The following TGFA variants were observed in gnomAD, a reference collection of about 807,000 sequenced individuals.
TGFA encodes the protein protransforming growth factor alpha.
In TGFA, 12 loss-of-function variants were observed where a neutral mutation model predicts 21.7. The observed-to-expected ratio is 0.55, with a 90% CI of 0.35 to 0.90. The LOEUF is 0.90. Among genes scored for constraint, TGFA ranks in the 40% least tolerant of loss-of-function variants. TGFA has a pLI of 0.01. For synonymous variants in TGFA, 79 were observed against 88.1 expected, an observed-to-expected ratio of 0.90 and a Z score of 0.58; for missense variants, 178 against 210.8, an observed-to-expected ratio of 0.84 and a Z score of 0.96.
At chr2:70,489,693 T>C (rs1184682701) in intron 2 of TGFA, among the ~76,000 whole-genome samples, 1 of 152,260 alleles carries the variant, frequency 6.6e-6, no homozygotes, top group Non-Finnish European at 1.5e-5. Flanking sequence ...TGGCATTTTA[T>C]ACTCACTGTG....
chr2:70,470,480 T>G (rs888650437), intron 2 of TGFA, among the ~76,000 whole-genome samples: 1 of 152,186 alleles, frequency 6.6e-6, no homozygotes, highest in African/African-American at 2.4e-5. Context: ...AGAGCAACGG[T>G]CAGAGAGCAA....
At chr2:70,493,233 A>C (rs1040531281) in intron 2 of TGFA, among the ~76,000 whole-genome samples, 1 of 152,228 alleles carries the variant, frequency 6.6e-6, no homozygotes, top group African/African-American at 2.4e-5. Context: ...AGCAGCACTG[A>C]CTGCGGCTTT....
intron 2 of TGFA, among the ~76,000 whole-genome samples, chr2:70,507,482 C>A (rs1553500327): frequency 6.6e-6 from 1 of 152,196 alleles, no homozygotes; most frequent in East Asian, 1.9e-4. Context: ...CATTCCTCAT[C>A]AACATGATTT....
At chr2:70,481,054 G>A (rs1459291362) in intron 2 of TGFA, among the ~76,000 whole-genome samples, 1 of 152,150 alleles carries the variant, frequency 6.6e-6, no homozygotes, top group Admixed American at 6.5e-5. Context: ...AAGCCATACT[G>A]GTTCAGAAGC....
At chr2:70,469,493 A>C (rs1670669138) in intron 2 of TGFA, among the ~76,000 whole-genome samples, 1 of 152,004 alleles carries the variant, frequency 6.6e-6, no homozygotes, top group South Asian at 2.1e-4. Context: ...ATTCCACTGC[A>C]CCCAGCTAAT....
At chr2:70,453,397 C>T in intron 4 of TGFA, 70 bp from the exon 5 acceptor site, 1 of 1,406,456 alleles carries the variant, frequency 7.1e-7, no homozygotes, top group Non-Finnish European at 9.9e-7. Context: ...CAGCATCTGC[C>T]CTAGGGGCCT....
intron 1 of TGFA, among the ~76,000 whole-genome samples, chr2:70,523,867 A>G (rs568006624): frequency 3.3e-5 from 5 of 152,214 alleles, no homozygotes; most frequent in Non-Finnish European, 7.3e-5. Context: ...CTGACACCAC[A>G]GAAGTAACCT....
intron 1 of TGFA, among the ~76,000 whole-genome samples, chr2:70,525,127 A>C (rs1672594921): frequency 6.6e-6 from 1 of 152,214 alleles, no homozygotes; most frequent in African/African-American, 2.4e-5. Context: ...GGGAGGAGGT[A>C]AAAACAAGCA....
At chr2:70,463,757 G>T (rs570483373) in intron 3 of TGFA, among the ~76,000 whole-genome samples, 1 of 152,210 alleles carries the variant, frequency 6.6e-6, no homozygotes, top group South Asian at 2.1e-4. Flanking sequence ...TGTTGTACAG[G>T]GAAGCTTTCT....
chr2:70,504,575 C>A (rs1559124320), intron 2 of TGFA, among the ~76,000 whole-genome samples: 1 of 149,984 alleles, frequency 6.7e-6, no homozygotes, highest in Non-Finnish European at 1.5e-5. Flanking sequence ...TACATACATG[C>A]ATATACTCAC....
At position 70,533,719 on chromosome 2, in the gene TGFA, G is replaced by A. The variant is rs76858040; in HGVS notation, c.41-18807C>T. Reference sequence around the variant, plus strand: ...AGTTAACAAGTAGTCAACTTTTGTCGAGGAGAAGGGGTGGGCCCTGCAGTA... The same window carrying A: ...AGTTAACAAGTAGTCAACTTTTGTCAAGGAGAAGGGGTGGGCCCTGCAGTA... On this transcript the variant is annotated intron_variant, in intron 1 of 5. Coordinates refer to ENST00000295400, the MANE Select transcript of TGFA (RefSeq NM_003236.4). Among the ~76,000 whole-genome samples the A allele has an allele frequency of 8.9e-3, 1,354 of 152,248 alleles. 24 individuals carry two copies. Among genetic ancestry groups the A allele is most frequent in the African/African-American group, 0.031 (1,269 of 41,556 alleles).
intron 2 of TGFA, among the ~76,000 whole-genome samples, chr2:70,505,288 G>A (rs1335437144): frequency 6.6e-6 from 1 of 152,160 alleles, no homozygotes; most frequent in Non-Finnish European, 1.5e-5. Flanking sequence ...AGGTTGGGAA[G>A]CACTGGTCAA....
At chr2:70,516,999 G>C (rs1382969924) in intron 1 of TGFA, among the ~76,000 whole-genome samples, 2 of 152,186 alleles carry the variant, frequency 1.3e-5, no homozygotes, top group Admixed American at 1.3e-4. Context: ...AGACAAGAAA[G>C]CAAACACTGT....
In TGFA at chr2:70,547,103, G is replaced by T. The variant is rs187839947; in HGVS notation, c.40+6625C>A. ...CAGAAGTTATGCCCACTTAAAATTTGTAGCTATTGCCACGCTGACTTTTAA... is the reference window on the plus strand; with the variant it reads ...CAGAAGTTATGCCCACTTAAAATTTTTAGCTATTGCCACGCTGACTTTTAA... On this transcript the variant is annotated intron_variant, in intron 1 of 5. Coordinates refer to ENST00000295400, the MANE Select transcript of TGFA (RefSeq NM_003236.4). Among the ~76,000 whole-genome samples, 567 of 152,242 alleles carry T rather than the reference G, an allele frequency of 3.7e-3. 3 individuals carry two copies. Among genetic ancestry groups the T allele is most frequent in the African/African-American group, 0.01 (417 of 41,524 alleles).
chr2:70,469,711 G>T (rs1416337311), intron 2 of TGFA, among the ~76,000 whole-genome samples: 1 of 152,190 alleles, frequency 6.6e-6, no homozygotes, highest in South Asian at 2.1e-4. Flanking sequence ...GGATAAATGG[G>T]CTCTTGCAAA....
chr2:70,546,584 C>T (rs559249842), intron 1 of TGFA, among the ~76,000 whole-genome samples: 107 of 152,286 alleles, frequency 7.0e-4, no homozygotes, highest in Admixed American at 8.5e-4. Flanking sequence ...AGTGATCCAC[C>T]AGCCTCAGCC....
At chr2:70,547,212 A>C (rs929235651) in intron 1 of TGFA, among the ~76,000 whole-genome samples, 6 of 152,322 alleles carry the variant, frequency 3.9e-5, no homozygotes, top group African/African-American at 1.4e-4. Context: ...TATATGGTCA[A>C]AGTGCTTCAA....
In TGFA at chr2:70,522,837, G is replaced by A. The variant is rs111919514; in HGVS notation, c.41-7925C>T. Among the ~76,000 whole-genome samples the A allele has an allele frequency of 5.7e-3, 865 of 152,282 alleles. 15 individuals are homozygous for A. The highest frequency in any genetic ancestry group is 0.02 in the African/African-American group (829 of 41,546). On this transcript the variant is annotated intron_variant, in intron 1 of 5. Transcript: ENST00000295400. ...ATCCTGACATTCATTCATTCAACAA[G>A]TGCTCACTGAGCACCTGCTGCACCA...
chr2:70,493,578 C>T (rs534906327), intron 2 of TGFA, among the ~76,000 whole-genome samples: 1 of 152,284 alleles, frequency 6.6e-6, no homozygotes, highest in South Asian at 2.1e-4. Context: ...CATATGAGAA[C>T]ACACTATTCA....
Sources: gnomAD v4.1 joint callset for allele counts (sites outside exome capture counted in the v4.1 genomes callset) on GRCh38, gnomAD v4.1.1 for gene constraint, MANE v1.5 for transcripts, NCBI Gene and HGNC (gene_info 2026-07-23, HGNC 2026-07-21) for gene names.